Variants in FREM2 observed in about 807,000 individuals in gnomAD.
FREM2 encodes FRAS1 related extracellular matrix 2.
Under a neutral mutation model 219.9 loss-of-function variants are expected in FREM2, and 119 were observed. The ratio of observed to expected loss-of-function variants is 0.54; its 90% CI spans 0.47 to 0.63. FREM2 has a LOEUF of 0.63. Ranked by LOEUF, FREM2 falls within the 30% of genes least tolerant of loss-of-function variation. The pLI is 0.00. For synonymous variants in FREM2, 1,562 were observed against 1,522.8 expected, an observed-to-expected ratio of 1.03 and a Z score of -0.60; for missense variants, 4,030 against 3,993.6, an observed-to-expected ratio of 1.01 and a Z score of -0.25.
intron 2 of FREM2, among the ~76,000 whole-genome samples, chr13:38,705,150 G>A (rs139512934): frequency 1.3e-5 from 2 of 152,146 alleles, no homozygotes; most frequent in African/African-American, 2.4e-5. Flanking sequence ...GCAGCAAGGG[G>A]AAACAGGAAG....
intron 2 of FREM2, among the ~76,000 whole-genome samples, chr13:38,751,800 C>CTT (rs901162285): frequency 7.5e-5 from 11 of 147,248 alleles, no homozygotes; most frequent in African/African-American, 2.7e-4. Context: ...CATTGTCTAA[C>CTT]TTTTTTTTTT....
rs556158747 is a variant in FREM2 at position 38,885,974 on chromosome 13, C to A, written c.*5187C>A. 1 of 152,082 alleles carries A rather than the reference C, an allele frequency of 6.6e-6. No homozygotes were observed. The highest frequency in any genetic ancestry group is 2.4e-5 in the African/African-American group (1 of 41,422). 9.4% of individuals were successfully genotyped at this position (152,082 alleles called of 1,614,324 possible). A position where few individuals can be genotyped will look rare whatever the true frequency, so the allele number is the denominator to read the frequency against. On this transcript the variant is annotated 3_prime_UTR_variant, in exon 24 of 24. Transcript: ENST00000280481. ...TTTTTAAAATTATAATTATCAAATG[C>A]ACAATGTTCTTTTACTATGCCAAAT...
Position 38,886,394 on chromosome 13 carries a change from A to G in FREM2, c.*5607A>G, listed in dbSNP as rs1878729991. 1 of 95,602 alleles carries G rather than the reference A, an allele frequency of 1.0e-5. No individual in the cohort carries two copies. Among genetic ancestry groups the G allele is most frequent in the South Asian group, 3.4e-4 (1 of 2,956 alleles). 5.9% of individuals were successfully genotyped at this position (95,602 alleles called of 1,614,324 possible). On this transcript the variant is annotated 3_prime_UTR_variant, in exon 24 of 24. Transcript: ENST00000280481. Reference sequence around the variant, plus strand: ...TACATACATATATATATAGAGAGAGAGAGATAGATTTTTTTTTTTTGAGAC... The same window carrying G: ...TACATACATATATATATAGAGAGAGGGAGATAGATTTTTTTTTTTTGAGAC...
chr13:38,736,454 A>AG (rs1356697615), intron 2 of FREM2, among the ~76,000 whole-genome samples: 5 of 152,240 alleles, frequency 3.3e-5, no homozygotes, highest in Admixed American at 6.5e-5. Context: ...CTAGAAAAAA[A>AG]GTACTTATAT....
chr13:38,864,089 AAAGTGCCG>A (rs1877861838), intron 15 of FREM2, among the ~76,000 whole-genome samples, 178 bp from the exon 16 acceptor site: 1 of 90,670 alleles, frequency 1.1e-5, no homozygotes, highest in Non-Finnish European at 2.1e-5. Context: ...TAGACCTCCC[AAAGTGCCG>A]GGATTACAGG....
chr13:38,866,619 A>G (rs551055050), intron 16 of FREM2, among the ~76,000 whole-genome samples: 34 of 151,434 alleles, frequency 2.2e-4, no homozygotes, highest in Non-Finnish European at 4.0e-4. Flanking sequence ...GTGAGCCGAG[A>G]TCGCGCCATT....
intron 4 of FREM2, among the ~76,000 whole-genome samples, chr13:38,773,097 T>C (rs1437497674): frequency 6.6e-6 from 1 of 152,228 alleles, no homozygotes; most frequent in African/African-American, 2.4e-5. Context: ...ATTTTTTAAA[T>C]TATATAGTTG....
rs569200602 is a variant in FREM2, at chr13:38,872,816, G to C, written c.8058G>C (p.Val2686=). ...TTTCCTACGTGTTCCATTCCCCCGT[G>C]GGGGTAGGAGGCTGGCAGCATTTTG... ...LYVSYVFHSP[V]GVGGWQHFDL... Residue 2686 remains valine (V), a synonymous_variant, in exon 17 of 24, where the codon GTG becomes GTC. Coordinates refer to ENST00000280481, the MANE Select transcript of FREM2 (RefSeq NM_207361.6). The C allele has an allele frequency of 8.7e-6, 14 of 1,613,888 alleles. No individual in the cohort carries two copies. The highest frequency in any genetic ancestry group is 8.3e-5 in the Admixed American group (5 of 60,010).
chr13:38,875,887 C>T, intron 18 of FREM2, 135 bp from the exon 19 acceptor site: 2 of 847,762 alleles, frequency 2.4e-6, no homozygotes, highest in Admixed American at 3.6e-5. Flanking sequence ...TTATACTAAC[C>T]ATGACTGCTT....
intron 6 of FREM2, among the ~76,000 whole-genome samples, chr13:38,828,131 T>C (rs1415429169): frequency 1.3e-5 from 2 of 152,078 alleles, no homozygotes; most frequent in Non-Finnish European, 2.9e-5. Context: ...AAATTATTGG[T>C]AAAGTGGCAC....
rs1322502857 is a variant in FREM2, at chr13:38,687,951, C to T, written c.607C>T (p.Arg203Trp). 4 of 1,608,958 alleles carry T rather than the reference C, an allele frequency of 2.5e-6. No individual in the cohort carries two copies. The highest frequency in any genetic ancestry group is 1.7e-5 in the Admixed American group (1 of 59,522). ...GGGGACCAGCAATGCCCTGGACGCG[C>T]GGAGCCTGGAGTTCGCCTTCCAGCC... The part of the protein sequence containing the change: ...LLGTSNALDA[R>W]SLEFAFQPET... Residue 203 changes from arginine (R) to tryptophan (W), a missense_variant, in exon 1 of 24, where the codon CGG becomes TGG. Transcript: ENST00000280481.
chr13:38,781,412 T>C (rs1874113553), intron 4 of FREM2, among the ~76,000 whole-genome samples: 1 of 152,168 alleles, frequency 6.6e-6, no homozygotes, highest in Non-Finnish European at 1.5e-5. Flanking sequence ...GCTTTCCCTG[T>C]CACCCTCAGC....
rs149682687 is a variant in FREM2 at position 38,772,292 on chromosome 13, C to G, written c.5641+2484C>G. ...ATAGAATCTCTGCTGTCAAAGACCACAGGGGATGGGAAAGAGAGCCCTTTA... is the reference window on the plus strand; with the variant it reads ...ATAGAATCTCTGCTGTCAAAGACCAGAGGGGATGGGAAAGAGAGCCCTTTA... On this transcript the variant is annotated intron_variant, in intron 4 of 23. Transcript: ENST00000280481. Among the ~76,000 whole-genome samples the G allele has an allele frequency of 6.5e-3, 994 of 152,186 alleles. 12 individuals carry two copies. Among genetic ancestry groups the G allele is most frequent in the African/African-American group, 0.023 (965 of 41,526 alleles).
At chr13:38,722,603 C>T (rs1871327369) in intron 2 of FREM2, among the ~76,000 whole-genome samples, 1 of 151,888 alleles carries the variant, frequency 6.6e-6, no homozygotes, top group Non-Finnish European at 1.5e-5. Flanking sequence ...GGGGCCCCAC[C>T]CCAGAGTGTC....
At chr13:38,858,109 G>A in intron 13 of FREM2, 76 bp downstream of exon 13, 1 of 1,267,290 alleles carries the variant, frequency 7.9e-7, no homozygotes. Context: ...TATAGCATTG[G>A]CTTTGTTATG....
chr13:38,814,490 T>C (rs994594326), intron 6 of FREM2, among the ~76,000 whole-genome samples: 4 of 152,160 alleles, frequency 2.6e-5, no homozygotes, highest in African/African-American at 9.7e-5. Context: ...CTTCTCCCTT[T>C]CTTTCTGCCA....
At chr13:38,710,907 T>C (rs1042910807) in intron 2 of FREM2, among the ~76,000 whole-genome samples, 1 of 152,384 alleles carries the variant, frequency 6.6e-6, no homozygotes, top group East Asian at 1.9e-4. Flanking sequence ...ACATATACTT[T>C]CCTGTAATTG....
intron 6 of FREM2, among the ~76,000 whole-genome samples, chr13:38,846,342 A>G (rs888656610): frequency 1.3e-5 from 2 of 152,216 alleles, no homozygotes; most frequent in Non-Finnish European, 2.9e-5. Flanking sequence ...TTATGCCTCA[A>G]GATGAGAATG....
chr13:38,691,894 C>G lies in FREM2; in HGVS notation c.4550C>G (p.Pro1517Arg). 6.2e-7 allele frequency: 1 copy of G among 1,614,174 alleles called. No individual in the cohort carries two copies. The highest frequency in any genetic ancestry group is 8.5e-7 in the Non-Finnish European group (1 of 1,180,046). The change falls in exon 1 of 24, where the codon CCT becomes CGT. Residue 1517 changes from proline to arginine, a missense_variant. By Grantham distance (103) the Pro-to-Arg change is moderately radical. Coordinates refer to ENST00000280481, the MANE Select transcript of FREM2 (RefSeq NM_207361.6). ...FEFQVTDGRN[P>R]VFRTFRISIS... Reference sequence around the variant, plus strand: ...TTTCAAGTCACCGATGGACGTAACCCTGTCTTTCGGACATTCCGTATCTCC... The same window carrying G: ...TTTCAAGTCACCGATGGACGTAACCGTGTCTTTCGGACATTCCGTATCTCC...
Sources: gnomAD v4.1 joint callset for allele counts (sites outside exome capture counted in the v4.1 genomes callset) on GRCh38, gnomAD v4.1.1 for gene constraint, MANE v1.5 for transcripts, NCBI Gene and HGNC (gene_info 2026-07-23, HGNC 2026-07-21) for gene names.